Variants in ADGRL3 observed in about 807,000 individuals in gnomAD.
ADGRL3 encodes the protein adhesion G protein-coupled receptor L3.
In ADGRL3, 62 loss-of-function variants were observed where a neutral mutation model predicts 153.5. The observed-to-expected ratio is 0.40, with a 90% confidence interval of 0.33 to 0.50. ADGRL3 has a LOEUF of 0.50. ADGRL3 is among the 20% of genes least tolerant of loss of function. The pLI is 0.47. For missense variants in ADGRL3, 1,641 were observed against 1,859.4 expected (o/e 0.88, Z 2.16); for synonymous variants, 710 against 672.5 (o/e 1.06, Z -0.86).
intron 2 of ADGRL3, among the ~76,000 whole-genome samples, chr4:61,405,367 T>C (rs553309911): frequency 3.3e-5 from 5 of 152,142 alleles, no homozygotes; most frequent in African/African-American, 1.2e-4. Flanking sequence ...CAGGTATTAT[T>C]TGTAGATGTT....
At chr4:61,548,718 C>T (rs760292685) in intron 4 of ADGRL3, among the ~76,000 whole-genome samples, 2 of 152,094 alleles carry the variant, frequency 1.3e-5, no homozygotes, top group Non-Finnish European at 2.9e-5. Context: ...GTGATGCCTC[C>T]AGCTTTGTTG....
intron 9 of ADGRL3, among the ~76,000 whole-genome samples, chr4:61,887,894 C>A (rs1034050388): frequency 1.3e-5 from 2 of 151,960 alleles, no homozygotes; most frequent in Non-Finnish European, 2.9e-5. Flanking sequence ...ATGTAAAGAA[C>A]TTTACAAGTA....
intron 8 of ADGRL3, among the ~76,000 whole-genome samples, chr4:61,768,058 G>T (rs965098792): frequency 6.6e-6 from 1 of 152,066 alleles, no homozygotes; most frequent in East Asian, 1.9e-4. Flanking sequence ...GTGTCTCAGG[G>T]TTGCTGCCAA....
At chr4:61,658,586 A>G in intron 5 of ADGRL3, among the ~76,000 whole-genome samples, 1 of 152,178 alleles carries the variant, frequency 6.6e-6, no homozygotes, top group East Asian at 1.9e-4. Flanking sequence ...ATTAGTTATT[A>G]ACATGTTATA....
chr4:61,743,280 G>A (rs566153223), intron 8 of ADGRL3, among the ~76,000 whole-genome samples: 31 of 141,542 alleles, frequency 2.2e-4, no homozygotes, highest in African/African-American at 6.3e-4. Flanking sequence ...AGATCAGATC[G>A]TGCCACTGCA....
intron 2 of ADGRL3, among the ~76,000 whole-genome samples, chr4:61,483,595 GGCATGGTGGC>G (rs1018896826): frequency 4.6e-5 from 7 of 151,890 alleles, no homozygotes; most frequent in African/African-American, 1.7e-4. Flanking sequence ...AAATTAGCTG[GGCATGGTGGC>G]GCATGCCTGT....
chr4:61,629,327 T>G (rs1158379427), intron 5 of ADGRL3, among the ~76,000 whole-genome samples: 1 of 152,190 alleles, frequency 6.6e-6, no homozygotes, highest in East Asian at 1.9e-4. Flanking sequence ...AGACATGTAT[T>G]TGCAGTTTAA....
chr4:61,293,310 AG>A (rs1353360881), intron 1 of ADGRL3, among the ~76,000 whole-genome samples: 8 of 152,294 alleles, frequency 5.3e-5, no homozygotes, highest in African/African-American at 1.9e-4. Flanking sequence ...GCCTATTGAT[AG>A]GGTTCTGCAT....
intron 4 of ADGRL3, among the ~76,000 whole-genome samples, chr4:61,582,751 C>G (rs976759239): frequency 6.6e-6 from 1 of 151,952 alleles, no homozygotes; most frequent in Non-Finnish European, 1.5e-5. Context: ...TCCCCTAGTG[C>G]AATGGCAGGT....
intron 8 of ADGRL3, among the ~76,000 whole-genome samples, chr4:61,745,896 T>A (rs531122299): frequency 6.6e-6 from 1 of 152,258 alleles, no homozygotes; most frequent in South Asian, 2.1e-4. Context: ...AATGCTCCCA[T>A]TAAAAGACAC....
rs183464460 is a variant in ADGRL3 at position 61,574,676 on chromosome 4, G to C, written c.260-12551G>C. ...ATATGGTTTGACAGGAAGATGGGTTGACATACAAAACAATTTTGAATTAAT... is the reference window on the plus strand; with the variant it reads ...ATATGGTTTGACAGGAAGATGGGTTCACATACAAAACAATTTTGAATTAAT... On this transcript the variant is annotated intron_variant, in intron 4 of 26. Transcript: ENST00000683033. Among the ~76,000 whole-genome samples the C allele has an allele frequency of 2.1e-3, 320 of 151,826 alleles. 6 individuals carry two copies. The highest frequency in any genetic ancestry group is 5.8e-4 in the East Asian group (3 of 5,150).
intron 17 of ADGRL3, among the ~76,000 whole-genome samples, chr4:61,965,687 C>T (rs1203814807): frequency 6.6e-6 from 1 of 151,860 alleles, no homozygotes; most frequent in Non-Finnish European, 1.5e-5. Context: ...GAAGGTGGAG[C>T]TTGCAGTGAG....
chr4:61,692,499 A>G (rs910145554), intron 6 of ADGRL3, among the ~76,000 whole-genome samples: 35 of 149,090 alleles, frequency 2.3e-4, no homozygotes, highest in African/African-American at 7.0e-4. Flanking sequence ...TTGGTGTGCA[A>G]TGGCCTAATA....
At chr4:61,721,975 T>C (rs893905909) in intron 6 of ADGRL3, among the ~76,000 whole-genome samples, 2 of 152,142 alleles carry the variant, frequency 1.3e-5, no homozygotes, top group Admixed American at 6.5e-5. Context: ...TATAAAAATA[T>C]ATAAGAAACA....
intron 2 of ADGRL3, among the ~76,000 whole-genome samples, chr4:61,445,944 G>A (rs2097576922): frequency 1.3e-5 from 2 of 152,160 alleles, no homozygotes; most frequent in South Asian, 4.1e-4. Context: ...ATACTTAGCA[G>A]TGTGCCATAG....
intron 5 of ADGRL3, among the ~76,000 whole-genome samples, chr4:61,633,197 G>C (rs1338339498): frequency 7.0e-6 from 1 of 142,256 alleles, no homozygotes; most frequent in African/African-American, 2.6e-5. Context: ...ATTATTGAAG[G>C]TGTAACTTGA....
At chr4:62,006,890 C>T (rs902713265) in intron 21 of ADGRL3, among the ~76,000 whole-genome samples, 10 of 151,990 alleles carry the variant, frequency 6.6e-5, no homozygotes, top group African/African-American at 2.4e-4. Context: ...GTATCAAATG[C>T]TGACCACTAT....
At chr4:62,013,413 G>C (rs2099195899) in intron 21 of ADGRL3, among the ~76,000 whole-genome samples, 1 of 151,550 alleles carries the variant, frequency 6.6e-6, no homozygotes, top group Non-Finnish European at 1.5e-5. Flanking sequence ...ATGGTGGCAC[G>C]CACCTGTAAT....
chr4:61,433,044 T>G (rs909671922), intron 2 of ADGRL3, among the ~76,000 whole-genome samples: 1 of 152,174 alleles, frequency 6.6e-6, no homozygotes, highest in African/African-American at 2.4e-5. Flanking sequence ...TTTTCTGCAT[T>G]CCAGTGGCCC....
Sources: gnomAD v4.1 joint callset for allele counts (sites outside exome capture counted in the v4.1 genomes callset) on GRCh38, gnomAD v4.1.1 for gene constraint, MANE v1.5 for transcripts, NCBI Gene and HGNC (gene_info 2026-07-23, HGNC 2026-07-21) for gene names.